The following NTN4 variants were observed in gnomAD, a reference collection of about 807,000 sequenced individuals.
The protein encoded by NTN4 is netrin-4.
Under a neutral mutation model 73.6 loss-of-function variants are expected in NTN4, and 32 were observed. That is an observed-to-expected ratio of 0.44 (90% CI 0.33 to 0.58). NTN4 has a LOEUF of 0.58. Ranked by LOEUF, NTN4 falls within the 20% of genes least tolerant of loss-of-function variation. NTN4 has a pLI of 0.04. For synonymous variants in NTN4, 258 were observed against 287.5 expected, an observed-to-expected ratio of 0.90 and a Z score of 1.04; for missense variants, 654 against 798.3, an observed-to-expected ratio of 0.82 and a Z score of 2.18.
intron 9 of NTN4, among the ~76,000 whole-genome samples, chr12:95,664,991 T>C (rs2078168425): frequency 6.6e-6 from 1 of 151,988 alleles, no homozygotes; most frequent in African/African-American, 2.4e-5. Flanking sequence ...ATGCAGAGGA[T>C]TTTTTGAATT....
At chr12:95,750,471 C>T (rs1262947058) in intron 2 of NTN4, among the ~76,000 whole-genome samples, 2 of 152,164 alleles carry the variant, frequency 1.3e-5, no homozygotes, top group African/African-American at 4.8e-5. Flanking sequence ...TGCCACTTGA[C>T]CCCAATACAA....
chr12:95,788,036 G>C (rs2079182370), intron 1 of NTN4, among the ~76,000 whole-genome samples: 1 of 152,128 alleles, frequency 6.6e-6, no homozygotes, highest in African/African-American at 2.4e-5. Context: ...AAATTCCCTA[G>C]GAAAAGCAAT....
At chr12:95,704,958 C>A (rs755999098) in intron 5 of NTN4, among the ~76,000 whole-genome samples, 1 of 152,154 alleles carries the variant, frequency 6.6e-6, no homozygotes, top group Non-Finnish European at 1.5e-5. Context: ...TGGTTATTTT[C>A]ATAATTTTCC....
intron 2 of NTN4, among the ~76,000 whole-genome samples, chr12:95,763,256 A>G (rs1358881240): frequency 6.6e-6 from 1 of 152,210 alleles, no homozygotes; most frequent in Non-Finnish European, 1.5e-5. Flanking sequence ...TTAATAATCA[A>G]AAAAGAACAT....
intron 2 of NTN4, among the ~76,000 whole-genome samples, chr12:95,773,543 G>C (rs567259702): frequency 7.2e-5 from 11 of 152,186 alleles, no homozygotes; most frequent in African/African-American, 2.7e-4. Context: ...CTTAGCTTTG[G>C]TATCAACCTC....
chr12:95,788,145 C>T (rs2079183095), intron 1 of NTN4, among the ~76,000 whole-genome samples: 1 of 152,128 alleles, frequency 6.6e-6, no homozygotes, highest in Non-Finnish European at 1.5e-5. Context: ...TCTAACATTA[C>T]ATAAACATAA....
Position 95,659,041 on chromosome 12 carries a change from G to A in NTN4, c.*45C>T. On this transcript the variant is annotated 3_prime_UTR_variant, in exon 10 of 10. Transcript: ENST00000343702. ...GAGGTCTTCTTGCTCTAAAGTTTGT[G>A]TTTTGTACATAGACAAGTGCCATTA... is the stretch of plus-strand genomic sequence containing the variant. The A allele has an allele frequency of 6.5e-7, 1 of 1,543,696 alleles. No homozygotes were observed. The highest frequency in any genetic ancestry group is 1.3e-5 in the South Asian group (1 of 78,620).
At chr12:95,762,996 T>C (rs1037045429) in intron 2 of NTN4, among the ~76,000 whole-genome samples, 2 of 152,206 alleles carry the variant, frequency 1.3e-5, no homozygotes, top group Non-Finnish European at 2.9e-5. Flanking sequence ...GTCATTTTTG[T>C]TTTTAAATAA....
chr12:95,753,753 C>T (rs1054784098), intron 2 of NTN4, among the ~76,000 whole-genome samples: 121 of 152,044 alleles, frequency 8.0e-4, no homozygotes, highest in Admixed American at 4.6e-4. Context: ...TTACCACTTT[C>T]GCTTCTCAGA....
At chr12:95,765,227 T>G (rs1390655421) in intron 2 of NTN4, among the ~76,000 whole-genome samples, 1 of 152,208 alleles carries the variant, frequency 6.6e-6, no homozygotes, top group East Asian at 1.9e-4. Context: ...ATTTGTAAAG[T>G]CTCAATAAAT....
At position 95,682,730 on chromosome 12, in the gene NTN4, C is replaced by T; in HGVS notation, c.1487G>A (p.Gly496Glu). 1 of 1,613,132 alleles carries T rather than the reference C, an allele frequency of 6.2e-7. No individual in the cohort carries two copies. Among genetic ancestry groups the T allele is most frequent in the Non-Finnish European group, 8.5e-7 (1 of 1,179,306 alleles). ...EPAWEWEDAQGFSALLHSGKC... is the reference protein window; with the variant it reads ...EPAWEWEDAQEFSALLHSGKC... ...ACCTGAGTGTAGAAGTGCAGAAAAC[C>T]CCTGCGCATCCTCCCACTCCCAGGC... Residue 496 changes from glycine to glutamate, a missense_variant, in exon 7 of 10, where the codon GGG (glycine) becomes GAG (glutamate). Transcript: ENST00000343702.
At chr12:95,744,723 C>T (rs1018658591) in intron 2 of NTN4, among the ~76,000 whole-genome samples, 44 of 152,144 alleles carry the variant, frequency 2.9e-4, no homozygotes, top group African/African-American at 1.0e-3. Flanking sequence ...TATTCACCTA[C>T]TTTTCCTTTT....
At chr12:95,733,644 A>G (rs2078754301) in intron 3 of NTN4, among the ~76,000 whole-genome samples, 1 of 152,202 alleles carries the variant, frequency 6.6e-6, no homozygotes, top group Non-Finnish European at 1.5e-5. Flanking sequence ...CTCCAATACC[A>G]GGGTCTTAAT....
chr12:95,672,778 A>G (rs1200168490), intron 7 of NTN4: 1 of 1,318,960 alleles, frequency 7.6e-7, no homozygotes, highest in Non-Finnish European at 1.1e-6. Context: ...TCTGAAGGAC[A>G]CTATTGCCAG....
chr12:95,714,889 C>A (rs2078594225), intron 3 of NTN4, among the ~76,000 whole-genome samples: 1 of 152,160 alleles, frequency 6.6e-6, no homozygotes, highest in African/African-American at 2.4e-5. Context: ...ATGACATGTG[C>A]TCAGAGTGGC....
chr12:95,751,750 A>G (rs2078909441), intron 2 of NTN4, among the ~76,000 whole-genome samples: 1 of 148,934 alleles, frequency 6.7e-6, no homozygotes, highest in South Asian at 2.2e-4. Flanking sequence ...TTCTTAATCT[A>G]TACGGAGGCT....
intron 3 of NTN4, 46 bp downstream of exon 3, chr12:95,737,820 G>T: frequency 6.4e-7 from 1 of 1,569,362 alleles, no homozygotes; most frequent in Non-Finnish European, 8.7e-7. Flanking sequence ...AAAGCTGAAG[G>T]TAACTTATGA....
intron 5 of NTN4, among the ~76,000 whole-genome samples, chr12:95,686,260 G>C (rs2078360227): frequency 6.6e-6 from 1 of 152,154 alleles, no homozygotes; most frequent in African/African-American, 2.4e-5. Flanking sequence ...GGAACTTATA[G>C]TCTTGTGGGG....
chr12:95,701,451 G>A (rs914829484), intron 5 of NTN4, among the ~76,000 whole-genome samples: 2 of 151,964 alleles, frequency 1.3e-5, no homozygotes, highest in Non-Finnish European at 2.9e-5. Flanking sequence ...AATAAATTCA[G>A]TTTCAGTGAT....
Sources: allele counts gnomAD v4.1 joint callset (sites outside exome capture counted in the v4.1 genomes callset), GRCh38; gene constraint gnomAD v4.1.1; transcripts MANE v1.5; gene names NCBI Gene and HGNC (gene_info 2026-07-23, HGNC 2026-07-21).